ZNF292: variants seen among roughly 807,000 people sequenced by gnomAD.
ZNF292 encodes zinc finger protein 292, also known as 16 zinc-finger domain protein.
Under a neutral mutation model 217.9 loss-of-function variants are expected in ZNF292, and 26 were observed. The ratio of observed to expected loss-of-function variants is 0.12; its 90% confidence interval spans 0.09 to 0.17. ZNF292 has a LOEUF of 0.17. Ranked by LOEUF, ZNF292 falls within the 10% of genes least tolerant of loss-of-function variation. The probability of loss-of-function intolerance (pLI) is 1.00; values close to 1 mark genes in which losing one functional copy is unlikely to be tolerated. For synonymous variants in ZNF292, 1,257 were observed against 1,124.1 expected, an observed-to-expected ratio of 1.12 and a Z score of -2.37; for missense variants, 2,904 against 3,175.2, an observed-to-expected ratio of 0.91 and a Z score of 2.05.
chr6:87,261,308 G>C lies in ZNF292; in HGVS notation c.7679G>C (p.Ser2560Thr), dbSNP rs1206089429. 2 of 1,613,316 alleles carry C rather than the reference G, an allele frequency of 1.2e-6. No homozygotes were observed. The highest frequency in any genetic ancestry group is 1.7e-6 in the Non-Finnish European group (2 of 1,179,674). The change falls in exon 8 of 8, where the codon AGC (serine) becomes ACC (threonine). Residue 2560 changes from serine to threonine, a missense_variant. Physicochemically the swap from Ser to Thr is moderately conservative, Grantham distance 58. Around this residue, in one of 15 missense-constraint regions of ZNF292, gnomAD observed 380 missense variants for 355.3 expected, o/e 1.07. Transcript: ENST00000369577. The part of the protein sequence containing the change: ...AEPASAAELS[S>T]VRKEEETAVA... ...CCAGCATCAGCAGCTGAGTTAAGTA[G>C]CGTGCGTAAAGAAGAAGAAACTGCT...
chr6:87,156,713 C>A (rs1489315507), intron 1 of ZNF292, among the ~76,000 whole-genome samples: 1 of 152,228 alleles, frequency 6.6e-6, no homozygotes, highest in Admixed American at 6.5e-5. Flanking sequence ...GCACTGCTCA[C>A]CAGTGACTGC....
rs1249007591 is a variant in ZNF292 at position 87,161,522 on chromosome 6, A to G, written c.168+5763A>G. On this transcript the variant is annotated intron_variant, in intron 1 of 7. Transcript: ENST00000369577. ...ACTGCATCCTTGACCAACTGGGCTT[A>G]AGCGATCCTCTTGCCTCAGCCTGAG... Among the ~76,000 whole-genome samples, 3 of 152,220 alleles carry G rather than the reference A, an allele frequency of 2.0e-5. No homozygotes were observed. In the East Asian group the frequency reaches 5.8e-4, roughly 29 times the overall value.
At chr6:87,209,815 G>A (rs1483548663) in intron 1 of ZNF292, among the ~76,000 whole-genome samples, 1 of 152,188 alleles carries the variant, frequency 6.6e-6, no homozygotes, top group Non-Finnish European at 1.5e-5. Flanking sequence ...TATGGTGAAT[G>A]TCAGTAGTTG....
intron 7 of ZNF292, among the ~76,000 whole-genome samples, chr6:87,247,280 C>T (rs754743311): frequency 4.5e-5 from 5 of 110,096 alleles, no homozygotes; most frequent in Non-Finnish European, 8.7e-5. Flanking sequence ...AACACACACA[C>T]ATGCGCACGC....
intron 1 of ZNF292, among the ~76,000 whole-genome samples, chr6:87,180,276 CTTT>C (rs1562125986): frequency 6.6e-6 from 1 of 152,250 alleles, no homozygotes; most frequent in East Asian, 1.9e-4. Flanking sequence ...GGCATTTCTT[CTTT>C]ATGTGATGTT....
At chr6:87,190,787 A>G (rs1368902258) in intron 1 of ZNF292, among the ~76,000 whole-genome samples, 1 of 152,226 alleles carries the variant, frequency 6.6e-6, no homozygotes, top group African/African-American at 2.4e-5. Context: ...GGAACATTTA[A>G]ATAGTTAATA....
In ZNF292 at chr6:87,259,696, T is replaced by G. The variant is rs1477491878; in HGVS notation, c.6067T>G (p.Leu2023Val). 3.1e-6 allele frequency: 5 copies of G among 1,600,364 alleles called. No homozygotes were observed. Among genetic ancestry groups the G allele is most frequent in the Non-Finnish European group, 4.3e-6 (5 of 1,173,250 alleles). Reference sequence around the variant, plus strand: ...AAATAAAAAGGAATCTCAGCCTGCTTTAGAATTGAGAGCAGAGACCCAAAA... The same window carrying G: ...AAATAAAAAGGAATCTCAGCCTGCTGTAGAATTGAGAGCAGAGACCCAAAA... The part of the protein sequence containing the change: ...EENKKESQPA[L>V]ELRAETQNTH... Residue 2023 changes from leucine to valine, a missense_variant, in exon 8 of 8, where the codon TTA becomes GTA. This residue lies in a region of ZNF292 where 261 missense variants were observed against 272.8 expected (regional missense o/e 0.96). Transcript: ENST00000369577.
chr6:87,163,972 C>T (rs1770833089), intron 1 of ZNF292, among the ~76,000 whole-genome samples: 1 of 152,160 alleles, frequency 6.6e-6, no homozygotes, highest in African/African-American at 2.4e-5. Context: ...AAGACTCATC[C>T]TTCTGAGTTT....
intron 1 of ZNF292, among the ~76,000 whole-genome samples, chr6:87,157,769 GCCTCCATCTC>G: frequency 6.6e-6 from 1 of 152,076 alleles, no homozygotes; most frequent in Non-Finnish European, 1.5e-5. Flanking sequence ...GCTCACTGCA[GCCTCCATCTC>G]CTGGGTTCAA....
intron 4 of ZNF292, among the ~76,000 whole-genome samples, chr6:87,220,553 T>C (rs114661619): frequency 5.6e-4 from 85 of 152,332 alleles, no homozygotes; most frequent in African/African-American, 2.0e-3. Flanking sequence ...GAGTTGCACC[T>C]ACTCTAAATA....
At chr6:87,169,353 TCCAGTGTATTTTC>T (rs1368644174) in intron 1 of ZNF292, among the ~76,000 whole-genome samples, 1 of 151,870 alleles carries the variant, frequency 6.6e-6, no homozygotes, top group African/African-American at 2.4e-5. Flanking sequence ...CTTTTTTTTT[TCCAGTGTATTTTC>T]CATCGAGTTT....
intron 1 of ZNF292, among the ~76,000 whole-genome samples, chr6:87,176,666 C>A (rs1409130602): frequency 6.6e-6 from 1 of 152,086 alleles, no homozygotes; most frequent in Non-Finnish European, 1.5e-5. Context: ...GCATTTTTCC[C>A]AACTCATCAT....
intron 5 of ZNF292, 103 bp downstream of exon 5, chr6:87,233,630 A>C (rs1159811451): frequency 7.4e-6 from 11 of 1,483,572 alleles, no homozygotes; most frequent in Non-Finnish European, 9.8e-6. Flanking sequence ...CGAAGAGATC[A>C]TTGTCAATCT....
At chr6:87,210,831 G>A (rs1168056502) in intron 1 of ZNF292, among the ~76,000 whole-genome samples, 1 of 152,030 alleles carries the variant, frequency 6.6e-6, no homozygotes, top group African/African-American at 2.4e-5. Flanking sequence ...CACCCACAGA[G>A]CCTGTGTCTG....
At chr6:87,223,410 A>G (rs1312265857) in intron 4 of ZNF292, 1 of 152,246 alleles carries the variant, frequency 6.6e-6, no homozygotes, top group Non-Finnish European at 1.5e-5. Context: ...ATGTGAACCT[A>G]GACCACCTAG....
intron 4 of ZNF292, among the ~76,000 whole-genome samples, chr6:87,220,577 T>C (rs1350268803): frequency 6.6e-6 from 1 of 152,220 alleles, no homozygotes; most frequent in Non-Finnish European, 1.5e-5. Context: ...GAGTAACTCC[T>C]TTTCCCATTG....
chr6:87,198,871 C>T (rs1158207215), intron 1 of ZNF292, among the ~76,000 whole-genome samples: 1 of 152,160 alleles, frequency 6.6e-6, no homozygotes, highest in African/African-American at 2.4e-5. Context: ...GAAAAATATT[C>T]AGCCATATGG....
chr6:87,205,537 C>G (rs180671817), intron 1 of ZNF292, among the ~76,000 whole-genome samples: 36 of 151,800 alleles, frequency 2.4e-4, no homozygotes, highest in Admixed American at 2.1e-3. Context: ...CCATTTTATT[C>G]AGATTTTTAA....
chr6:87,241,199 G>A (rs1485955668), intron 5 of ZNF292, among the ~76,000 whole-genome samples: 7 of 152,076 alleles, frequency 4.6e-5, no homozygotes, highest in East Asian at 1.9e-4. Context: ...CAGGAGAGTC[G>A]CTTGAACCTG....
Sources: allele counts gnomAD v4.1 joint callset (sites outside exome capture counted in the v4.1 genomes callset), GRCh38; gene constraint gnomAD v4.1.1; regional missense constraint gnomAD v4.1.1; transcripts MANE v1.5; gene names NCBI Gene and HGNC (gene_info 2026-07-23, HGNC 2026-07-21).